TMEM156: variants seen among roughly 807,000 people sequenced by gnomAD.
TMEM156 encodes the protein transmembrane protein 156.
TMEM156 carries 28 observed loss-of-function variants against 30.5 expected under a neutral mutation model. The ratio of observed to expected loss-of-function variants is 0.92; its 90% CI spans 0.68 to 1.26. The LOEUF (loss-of-function observed/expected upper bound fraction) is 1.26. TMEM156 is among the 50% of genes most tolerant of loss of function. The probability of loss-of-function intolerance (pLI) is 0.00; values close to 1 mark genes in which losing one functional copy is unlikely to be tolerated. For missense variants in TMEM156, 351 were observed against 340.6 expected, an observed-to-expected ratio of 1.03 and a Z score of -0.24; for synonymous variants, 137 against 119.9, an observed-to-expected ratio of 1.14 and a Z score of -0.93.
In TMEM156 at chr4:38,993,917, G is replaced by A. The variant is rs1712735924; in HGVS notation, c.440C>T (p.Pro147Leu). The part of the protein sequence containing the change: ...PCQHFNFSVA[P>L]LVDHLEEYNT... ...ATATTCCTCCAAGTGGTCAACCAGA[G>A]GAGCTACACTGAAGTTAAAGTGCTG... is the stretch of plus-strand genomic sequence containing the variant. The change falls in exon 3 of 7, where the codon CCT (proline) becomes CTT (leucine). Residue 147 changes from proline (P) to leucine (L), a missense_variant. Transcript: ENST00000381938. The A allele has an allele frequency of 6.2e-7, 1 of 1,614,042 alleles. No homozygotes were observed.
chr4:38,984,333 GTCTC>G (rs1194096991), intron 5 of TMEM156, among the ~76,000 whole-genome samples: 54 of 141,960 alleles, frequency 3.8e-4, no homozygotes, highest in Non-Finnish European at 5.9e-4. Flanking sequence ...CTTTCTCTCT[GTCTC>G]TCTCTCTCTC....
intron 5 of TMEM156, among the ~76,000 whole-genome samples, chr4:38,971,613 C>T (rs1461329464): frequency 1.3e-5 from 2 of 152,136 alleles, no homozygotes; most frequent in Admixed American, 6.5e-5. Context: ...TAATATTATC[C>T]TCAGCTGACT....
At chr4:38,999,840 G>A (rs1169952851) in intron 1 of TMEM156, among the ~76,000 whole-genome samples, 2 of 152,054 alleles carry the variant, frequency 1.3e-5, no homozygotes, top group African/African-American at 4.8e-5. Flanking sequence ...TAGCCAAAAA[G>A]GCTAATCCAG....
At chr4:39,010,601 T>G (rs1441777914) in intron 1 of TMEM156, among the ~76,000 whole-genome samples, 2 of 152,048 alleles carry the variant, frequency 1.3e-5, no homozygotes. Context: ...TAGAGACCCC[T>G]GAAATAAAGC....
chr4:38,994,107 A>G lies in TMEM156; in HGVS notation c.359-109T>C, dbSNP rs1577539814. 9.0e-6 allele frequency: 9 copies of G among 1,003,052 alleles called. No homozygotes were observed. The East Asian group carries it at 2.1e-4, about 23-fold the overall frequency. The allele number at this position is 1,003,052 out of a possible 1,614,324, so 62.1% of individuals were successfully genotyped here. Reference sequence around the variant, plus strand: ...CTTTCTATACAAGAAAGTAGAAACAAGAAGTTTCCTACACTAAAAATATAT... The same window carrying G: ...CTTTCTATACAAGAAAGTAGAAACAGGAAGTTTCCTACACTAAAAATATAT... On this transcript the variant is annotated intron_variant, in intron 2 of 6. Transcript: ENST00000381938.
intron 1 of TMEM156, among the ~76,000 whole-genome samples, chr4:39,018,902 T>C (rs1271189571): frequency 6.6e-6 from 1 of 151,808 alleles, no homozygotes; most frequent in African/African-American, 2.4e-5. Context: ...GCTCCTATAA[T>C]CCCAGCTACT....
chr4:38,985,212 G>A (rs765985575), intron 5 of TMEM156, among the ~76,000 whole-genome samples: 2 of 152,134 alleles, frequency 1.3e-5, no homozygotes, highest in Admixed American at 6.5e-5. Context: ...TGAAAACAAC[G>A]TTATAGCTTT....
intron 2 of TMEM156, among the ~76,000 whole-genome samples, chr4:38,994,416 G>A (rs1712773676): frequency 6.6e-6 from 1 of 152,146 alleles, no homozygotes; most frequent in Non-Finnish European, 1.5e-5. Flanking sequence ...GTGAGCCACT[G>A]CAGCCAACCT....
At chr4:39,024,696 T>C (rs1425454058) in intron 1 of TMEM156, among the ~76,000 whole-genome samples, 2 of 151,934 alleles carry the variant, frequency 1.3e-5, no homozygotes. Context: ...AGAGAGAAGA[T>C]CAGGAAAAAT....
intron 1 of TMEM156, among the ~76,000 whole-genome samples, chr4:39,002,871 C>A (rs1212359218): frequency 1.3e-5 from 2 of 148,728 alleles, no homozygotes; most frequent in African/African-American, 5.0e-5. Flanking sequence ...ACATCACACT[C>A]TGGGGCCTGT....
chr4:38,976,890 TTTGTTGTTG>T lies in TMEM156; in HGVS notation c.824-5762_824-5754del, dbSNP rs61299459. 1.1e-4 allele frequency among the ~76,000 whole-genome samples: 16 copies of T among 151,194 alleles called. No homozygotes were observed. The South Asian group carries it at 1.7e-3, about 16-fold the overall frequency. On this transcript the variant is annotated intron_variant, in intron 5 of 6. Coordinates refer to ENST00000381938, the MANE Select transcript of TMEM156 (RefSeq NM_024943.3). ...ACAATTTAACATTTGACATTGTTCT[TTTGTTGTTG>T]TTGTTGTTGTTGTTGTTCTTGTTTG...
chr4:38,988,576 C>T (rs143944277), intron 4 of TMEM156, among the ~76,000 whole-genome samples: 1,906 of 152,216 alleles, frequency 0.013, 21 homozygotes, highest in Middle Eastern at 0.027. Flanking sequence ...CTCTCTCTGC[C>T]CTCACTTCCG....
intron 1 of TMEM156, among the ~76,000 whole-genome samples, chr4:39,031,568 T>C (rs537535435): frequency 8.5e-5 from 13 of 152,170 alleles, no homozygotes; most frequent in Admixed American, 2.0e-4. Flanking sequence ...CATTAAAGAA[T>C]TCCAAAATGT....
intron 1 of TMEM156, among the ~76,000 whole-genome samples, chr4:39,011,089 A>G (rs1714082548): frequency 6.6e-6 from 1 of 152,232 alleles, no homozygotes; most frequent in Non-Finnish European, 1.5e-5. Context: ...CCCCATTAAA[A>G]AGTGGGCAAA....
chr4:38,975,098 T>A (rs866656997), intron 5 of TMEM156, among the ~76,000 whole-genome samples: 1 of 152,150 alleles, frequency 6.6e-6, no homozygotes, highest in Admixed American at 6.5e-5. Flanking sequence ...AAAGTTAGAA[T>A]TTCTTCTTAC....
chr4:38,983,753 T>A (rs1283453926), intron 5 of TMEM156, among the ~76,000 whole-genome samples: 2 of 152,192 alleles, frequency 1.3e-5, no homozygotes, highest in Non-Finnish European at 2.9e-5. Flanking sequence ...AGTCAATGTT[T>A]TTTATGATTC....
At chr4:38,975,725 G>C (rs1722819516) in intron 5 of TMEM156, among the ~76,000 whole-genome samples, 1 of 151,994 alleles carries the variant, frequency 6.6e-6, no homozygotes, top group South Asian at 2.1e-4. Flanking sequence ...TTCTAAGATA[G>C]TCCCCAGGAG....
chr4:39,012,580 C>T (rs186148315), intron 1 of TMEM156, among the ~76,000 whole-genome samples: 11 of 152,198 alleles, frequency 7.2e-5, no homozygotes, highest in South Asian at 2.1e-4. Context: ...TCGAGGCAGG[C>T]GGATCACCTG....
At chr4:38,984,652 C>T (rs1711839244) in intron 5 of TMEM156, among the ~76,000 whole-genome samples, 1 of 152,086 alleles carries the variant, frequency 6.6e-6, no homozygotes, top group Non-Finnish European at 1.5e-5. Context: ...CTTTCCCTTT[C>T]TCTGTCAGAA....
Sources: gnomAD v4.1 joint callset for allele counts (sites outside exome capture counted in the v4.1 genomes callset) on GRCh38, gnomAD v4.1.1 for gene constraint, MANE v1.5 for transcripts, NCBI Gene and HGNC (gene_info 2026-07-23, HGNC 2026-07-21) for gene names.